CNTNAP5: variants seen among roughly 807,000 people sequenced by gnomAD.
The protein encoded by CNTNAP5 is contactin-associated protein-like 5.
CNTNAP5 carries 72 observed loss-of-function variants against 150.2 expected under a neutral mutation model. The ratio of observed to expected loss-of-function variants is 0.48; its 90% confidence interval spans 0.40 to 0.58. The LOEUF (loss-of-function observed/expected upper bound fraction) is 0.58, where lower values mean the gene tolerates loss of function less well. Ranked by LOEUF, CNTNAP5 falls within the 20% of genes least tolerant of loss-of-function variation. CNTNAP5 has a pLI of 0.00. For missense variants in CNTNAP5, 1,636 were observed against 1,626.2 expected, an observed-to-expected ratio of 1.01 and a Z score of -0.10; for synonymous variants, 672 against 619.8, an observed-to-expected ratio of 1.08 and a Z score of -1.25.
intron 1 of CNTNAP5, among the ~76,000 whole-genome samples, chr2:124,041,688 A>C (rs1681376542): frequency 6.6e-6 from 1 of 152,150 alleles, no homozygotes; most frequent in Admixed American, 6.5e-5. Context: ...CATATAGTGA[A>C]TAGAGATCAG....
chr2:124,045,569 C>T (rs1681510728), intron 1 of CNTNAP5, among the ~76,000 whole-genome samples: 1 of 152,022 alleles, frequency 6.6e-6, no homozygotes, highest in Non-Finnish European at 1.5e-5. Context: ...AGTGCCACCG[C>T]ACCAGGCCTG....
intron 3 of CNTNAP5, among the ~76,000 whole-genome samples, chr2:124,345,410 A>T (rs1426994900): frequency 1.3e-5 from 2 of 152,144 alleles, no homozygotes; most frequent in Non-Finnish European, 2.9e-5. Context: ...AACAAATCCA[A>T]CATCACAGCA....
Position 124,242,199 on chromosome 2 carries a change from G to T in CNTNAP5, c.188-1G>T. 1 of 1,581,758 alleles carries T rather than the reference G, an allele frequency of 6.3e-7. No individual in the cohort carries two copies. The highest frequency in any genetic ancestry group is 8.6e-7 in the Non-Finnish European group (1 of 1,163,046). ...TCTCACTCTCTCTGATCCTGTTCCA[G>T]GAACTGGCGGTTGGTCCCCAGCAGA... On this transcript the variant is annotated splice_acceptor_variant, in intron 2 of 23. Transcript: ENST00000682447. LOFTEE classifies it high-confidence loss of function.
At chr2:124,257,380 G>C (rs576845549) in intron 3 of CNTNAP5, among the ~76,000 whole-genome samples, 35 of 152,110 alleles carry the variant, frequency 2.3e-4, no homozygotes, top group Non-Finnish European at 4.6e-4. Flanking sequence ...TATTCCTCCA[G>C]GGCACCTAGC....
intron 1 of CNTNAP5, among the ~76,000 whole-genome samples, chr2:124,116,752 C>G (rs934921604): frequency 6.6e-6 from 1 of 152,166 alleles, no homozygotes; most frequent in Non-Finnish European, 1.5e-5. Flanking sequence ...GTTAAGATTG[C>G]ATTAAAGGAG....
intron 1 of CNTNAP5, among the ~76,000 whole-genome samples, chr2:124,142,231 C>T (rs1250764830): frequency 1.1e-4 from 12 of 110,138 alleles, no homozygotes; most frequent in South Asian, 4.2e-4. Context: ...GACAGATCAA[C>T]GAGACAGAAA....
At chr2:124,744,368 C>A (rs1401292210) in intron 13 of CNTNAP5, among the ~76,000 whole-genome samples, 7 of 152,108 alleles carry the variant, frequency 4.6e-5, no homozygotes, top group Non-Finnish European at 8.8e-5. Flanking sequence ...TCCATTAATC[C>A]TCTTTTTCTT....
intron 21 of CNTNAP5, among the ~76,000 whole-genome samples, chr2:124,874,434 C>T (rs1049389322): frequency 1.9e-4 from 29 of 151,920 alleles, no homozygotes; most frequent in African/African-American, 7.0e-4. Flanking sequence ...TTAACTTGGC[C>T]CTGTCACAAG....
intron 7 of CNTNAP5, among the ~76,000 whole-genome samples, chr2:124,494,136 A>G (rs936553446): frequency 6.6e-6 from 1 of 151,298 alleles, no homozygotes; most frequent in Non-Finnish European, 1.5e-5. Context: ...AATGATTCAC[A>G]TGGCTGTTAA....
At chr2:124,423,726 G>A (rs555347600) in intron 4 of CNTNAP5, among the ~76,000 whole-genome samples, 3 of 132,982 alleles carry the variant, frequency 2.3e-5, no homozygotes, top group Non-Finnish European at 4.6e-5. Context: ...GTGCAGTGGC[G>A]CAATCGCGGC....
chr2:124,528,830 G>A lies in CNTNAP5; in HGVS notation c.1649+1374G>A, dbSNP rs187968340. 2.6e-3 allele frequency among the ~76,000 whole-genome samples: 398 copies of A among 152,226 alleles called. 2 individuals carry two copies. Among genetic ancestry groups the A allele is most frequent in the Middle Eastern group, 0.01 (3 of 294 alleles). On this transcript the variant is annotated intron_variant, in intron 10 of 23. Coordinates refer to ENST00000682447, the MANE Select transcript of CNTNAP5 (RefSeq NM_001367498.1). ...GAAGTGAGAAAGGTGGATTGGAAGA[G>A]AGCTGGCCCACAACTAGGCAGGTGA...
At chr2:124,372,334 T>C (rs2104728217) in intron 3 of CNTNAP5, among the ~76,000 whole-genome samples, 1 of 152,170 alleles carries the variant, frequency 6.6e-6, no homozygotes, top group East Asian at 1.9e-4. Context: ...GCTACCAGCT[T>C]TTTTTGTTCT....
Position 124,248,026 on chromosome 2 carries a change from T to C in CNTNAP5, c.381+5633T>C, listed in dbSNP as rs117859526. On this transcript the variant is annotated intron_variant, in intron 3 of 23. Transcript: ENST00000682447. ...ATTATTAAAAGCTCAATTAAGAACTTAGCATGCCCAGAATCTTGCTGCTGA... is the reference window on the plus strand; with the variant it reads ...ATTATTAAAAGCTCAATTAAGAACTCAGCATGCCCAGAATCTTGCTGCTGA... Among the ~76,000 whole-genome samples the C allele has an allele frequency of 8.6e-3, 1,303 of 152,296 alleles. 12 individuals are homozygous for C. The highest frequency in any genetic ancestry group is 0.03 in the East Asian group (153 of 5,176).
At chr2:124,319,914 G>A (rs1222878573) in intron 3 of CNTNAP5, among the ~76,000 whole-genome samples, 2 of 152,174 alleles carry the variant, frequency 1.3e-5, no homozygotes, top group African/African-American at 2.4e-5. Flanking sequence ...TATATTAAAA[G>A]GCATGCATAG....
rs1442819741 is a variant in CNTNAP5, at chr2:124,345,480, A to G, written c.382-71963A>G. 3.3e-5 allele frequency among the ~76,000 whole-genome samples: 5 copies of G among 152,306 alleles called. No individual in the cohort carries two copies. In the East Asian group the frequency reaches 7.7e-4, roughly 24 times the overall value. On this transcript the variant is annotated intron_variant, in intron 3 of 23. Transcript: ENST00000682447. ...CTGTCATTAGTATGGGGGAGGAATTACACAGCAACTTGGAGAAGCAGTTTA... is the reference window on the plus strand; with the variant it reads ...CTGTCATTAGTATGGGGGAGGAATTGCACAGCAACTTGGAGAAGCAGTTTA...
intron 10 of CNTNAP5, among the ~76,000 whole-genome samples, chr2:124,528,163 A>G (rs1695020308): frequency 1.3e-5 from 2 of 152,170 alleles, no homozygotes; most frequent in Non-Finnish European, 1.5e-5. Flanking sequence ...CCTTGTCAAA[A>G]TATCGTTTAT....
chr2:124,092,199 G>T (rs1175446248), intron 1 of CNTNAP5, among the ~76,000 whole-genome samples: 1 of 152,186 alleles, frequency 6.6e-6, no homozygotes, highest in African/African-American at 2.4e-5. Context: ...AGACAGAAAG[G>T]TTAAGGGATT....
chr2:124,384,456 G>C (rs1690880748), intron 3 of CNTNAP5, among the ~76,000 whole-genome samples: 1 of 152,170 alleles, frequency 6.6e-6, no homozygotes, highest in African/African-American at 2.4e-5. Context: ...GAGAAAGGAG[G>C]TGTATTTTGG....
intron 2 of CNTNAP5, among the ~76,000 whole-genome samples, chr2:124,229,355 C>T (rs887514084): frequency 1.3e-5 from 2 of 152,050 alleles, no homozygotes; most frequent in African/African-American, 4.8e-5. Context: ...ATCCGGCACA[C>T]GAGGAGGGGA....
Sources: allele counts gnomAD v4.1 joint callset (sites outside exome capture counted in the v4.1 genomes callset), GRCh38; gene constraint gnomAD v4.1.1; transcripts MANE v1.5; gene names NCBI Gene and HGNC (gene_info 2026-07-23, HGNC 2026-07-21).